GRIA1: variants seen among roughly 807,000 people sequenced by gnomAD.
GRIA1 encodes the protein glutamate ionotropic receptor AMPA type subunit 1.
A neutral mutation model predicts 99.2 loss-of-function variants in GRIA1; 31 were observed. That is an observed-to-expected ratio of 0.31 (90% CI 0.23 to 0.42). GRIA1 has a LOEUF of 0.42. Ranked by LOEUF, GRIA1 falls within the 10% of genes least tolerant of loss-of-function variation. The probability of loss-of-function intolerance (pLI) is 1.00; values close to 1 mark genes in which losing one functional copy is unlikely to be tolerated. For synonymous variants in GRIA1, 438 were observed against 432.4 expected, an observed-to-expected ratio of 1.01 and a Z score of -0.16; for missense variants, 782 against 1,157.5, an observed-to-expected ratio of 0.68 and a Z score of 4.71.
At chr5:153,614,276 A>C (rs1237428824) in intron 2 of GRIA1, among the ~76,000 whole-genome samples, 2 of 152,210 alleles carry the variant, frequency 1.3e-5, no homozygotes, top group East Asian at 3.8e-4. Context: ...ATAAGGACAA[A>C]GACCATGTTT....
chr5:153,569,325 A>G (rs1283605263), intron 2 of GRIA1, among the ~76,000 whole-genome samples: 1 of 152,224 alleles, frequency 6.6e-6, no homozygotes, highest in African/African-American at 2.4e-5. Context: ...AATTGTGTAA[A>G]CAGCATTGTT....
At chr5:153,618,582 A>G (rs1766731409) in intron 2 of GRIA1, among the ~76,000 whole-genome samples, 1 of 152,222 alleles carries the variant, frequency 6.6e-6, no homozygotes, top group Admixed American at 6.5e-5. Flanking sequence ...CTTCAGGCTC[A>G]CCACGTATGG....
chr5:153,538,385 G>A (rs146505118), intron 2 of GRIA1, among the ~76,000 whole-genome samples: 465 of 152,182 alleles, frequency 3.1e-3, no homozygotes, highest in Non-Finnish European at 5.1e-3. Flanking sequence ...AGATTTAAAG[G>A]AAGCAATGTG....
intron 11 of GRIA1, among the ~76,000 whole-genome samples, chr5:153,732,545 T>A (rs1365489635): frequency 1.3e-5 from 2 of 152,058 alleles, no homozygotes; most frequent in Non-Finnish European, 2.9e-5. Flanking sequence ...AGCTATTCAG[T>A]TTCTTGTCCA....
At chr5:153,730,792 T>A (rs1019016461) in intron 11 of GRIA1, among the ~76,000 whole-genome samples, 6 of 152,142 alleles carry the variant, frequency 3.9e-5, no homozygotes, top group African/African-American at 1.2e-4. Context: ...TCTAGGCAGT[T>A]AGGAGAAGGA....
intron 2 of GRIA1, among the ~76,000 whole-genome samples, chr5:153,627,169 T>C (rs76309268): frequency 0.15 from 23,214 of 152,200 alleles, 1,901 homozygotes; most frequent in Middle Eastern, 0.21. Context: ...AATAACAATA[T>C]AGCCTCAGAT....
chr5:153,664,430 C>A (rs1398102572), intron 5 of GRIA1, among the ~76,000 whole-genome samples: 1 of 152,042 alleles, frequency 6.6e-6, no homozygotes, highest in Non-Finnish European at 1.5e-5. Context: ...AGGGCAGTAA[C>A]CCTCTGTGGC....
At position 153,680,890 on chromosome 5, in the gene GRIA1, A is replaced by G. The variant is rs972199557; in HGVS notation, c.1029+3729A>G. ...ATGACCACTTTATTATCCAAAATCT[A>G]TCATCCAAACGGGAACACTTAGGAG... On this transcript the variant is annotated intron_variant, in intron 7 of 15. Coordinates refer to ENST00000285900, the MANE Select transcript of GRIA1 (RefSeq NM_000827.4). Among the ~76,000 whole-genome samples the G allele has an allele frequency of 3.3e-5, 5 of 152,328 alleles. No homozygotes were observed. The South Asian group carries it at 6.2e-4, about 19-fold the overall frequency.
chr5:153,741,997 T>C (rs1761836027), intron 11 of GRIA1, among the ~76,000 whole-genome samples: 1 of 151,822 alleles, frequency 6.6e-6, no homozygotes, highest in Non-Finnish European at 1.5e-5. Flanking sequence ...ATCTGGGGAT[T>C]TGCAGGCTGT....
At chr5:153,658,987 A>AC (rs3037011) in intron 5 of GRIA1, among the ~76,000 whole-genome samples, 6 of 119,704 alleles carry the variant, frequency 5.0e-5, no homozygotes, top group South Asian at 2.3e-4. Flanking sequence ...GCAAAACAAA[A>AC]ACAAACAAAC....
intron 2 of GRIA1, among the ~76,000 whole-genome samples, chr5:153,559,659 C>T (rs895138864): frequency 2.0e-5 from 3 of 152,142 alleles, no homozygotes; most frequent in African/African-American, 7.2e-5. Flanking sequence ...TCAACACAAA[C>T]ACATTAGTAA....
intron 11 of GRIA1, among the ~76,000 whole-genome samples, chr5:153,717,769 A>T (rs1376154067): frequency 2.0e-5 from 3 of 152,194 alleles, no homozygotes; most frequent in Non-Finnish European, 4.4e-5. Context: ...CATGCATGGA[A>T]CTTTGCCAGC....
intron 11 of GRIA1, among the ~76,000 whole-genome samples, chr5:153,761,336 C>T (rs1331202154): frequency 1.3e-5 from 2 of 151,898 alleles, no homozygotes; most frequent in Non-Finnish European, 2.9e-5. Context: ...GCAAATACGT[C>T]GATTAAAAAT....
At chr5:153,529,814 T>G (rs1434382178) in intron 2 of GRIA1, among the ~76,000 whole-genome samples, 1 of 152,142 alleles carries the variant, frequency 6.6e-6, no homozygotes, top group Non-Finnish European at 1.5e-5. Context: ...GGAGGTGATG[T>G]TTGTATGAAA....
At chr5:153,724,935 C>T (rs889106559) in intron 11 of GRIA1, among the ~76,000 whole-genome samples, 9 of 152,088 alleles carry the variant, frequency 5.9e-5, no homozygotes, top group African/African-American at 2.2e-4. Flanking sequence ...AACTCCAAGA[C>T]ACGTAATTGT....
At chr5:153,779,031 T>C (rs1764465610) in intron 13 of GRIA1, among the ~76,000 whole-genome samples, 1 of 152,212 alleles carries the variant, frequency 6.6e-6, no homozygotes. Context: ...ATGTTTTTTG[T>C]TTCTTTCAGC....
chr5:153,712,286 G>A (rs113778491), intron 11 of GRIA1, among the ~76,000 whole-genome samples: 8 of 152,246 alleles, frequency 5.3e-5, no homozygotes, highest in African/African-American at 1.9e-4. Flanking sequence ...TCCTGACCTT[G>A]CGATCTGCCC....
intron 2 of GRIA1, among the ~76,000 whole-genome samples, chr5:153,634,696 T>C (rs1384501328): frequency 2.0e-5 from 3 of 152,214 alleles, no homozygotes; most frequent in African/African-American, 7.2e-5. Context: ...AAGACTCTAT[T>C]GGCCGAGCAT....
At chr5:153,590,764 G>A (rs1248996056) in intron 2 of GRIA1, among the ~76,000 whole-genome samples, 1 of 152,094 alleles carries the variant, frequency 6.6e-6, no homozygotes, top group African/African-American at 2.4e-5. Context: ...TATCATAAAA[G>A]CAGTAAACCT....
Sources: gnomAD v4.1 joint callset for allele counts (sites outside exome capture counted in the v4.1 genomes callset) on GRCh38, gnomAD v4.1.1 for gene constraint, MANE v1.5 for transcripts, NCBI Gene and HGNC (gene_info 2026-07-23, HGNC 2026-07-21) for gene names.